Variants in DCTN3 observed in about 807,000 individuals in gnomAD.
DCTN3 encodes dynactin subunit 3, also known as dynactin 3 (p22).
A neutral mutation model predicts 28.4 loss-of-function variants in DCTN3; 25 were observed. That is an observed-to-expected ratio of 0.88 (90% CI 0.64 to 1.23). The LOEUF is 1.23. DCTN3 is among the 50% of genes most tolerant of loss of function. The pLI, the probability that DCTN3 is intolerant of heterozygous loss-of-function variation, is 0.00. For synonymous variants in DCTN3, 81 were observed against 91.4 expected, an observed-to-expected ratio of 0.89 and a Z score of 0.65; for missense variants, 229 against 232.0, an observed-to-expected ratio of 0.99 and a Z score of 0.08.
Position 34,614,153 on chromosome 9 carries a change from C to G in DCTN3, c.412-52G>C, listed in dbSNP as rs773362386. ...AGGAACTGGGCAAAGCCCACATCTT[C>G]CACTAAACTTCCTGCCTCATCACGG... On this transcript the variant is annotated intron_variant, in intron 5 of 6. Coordinates refer to ENST00000259632, the MANE Select transcript of DCTN3 (RefSeq NM_007234.5). 4.3e-6 allele frequency: 7 copies of G among 1,613,952 alleles called. No homozygotes were observed. In the Admixed American group the frequency reaches 1.2e-4, roughly 27 times the overall value.
intron 5 of DCTN3, 116 bp downstream of exon 5, chr9:34,614,594 A>G (rs1820378968): frequency 2.4e-6 from 3 of 1,226,104 alleles, no homozygotes; most frequent in Middle Eastern, 1.9e-4. Flanking sequence ...ATAAACCCCA[A>G]AGTTTCTGCT....
chr9:34,614,275 G>A lies in DCTN3; in HGVS notation c.412-174C>T, dbSNP rs568861363. On this transcript the variant is annotated intron_variant, in intron 5 of 6. Transcript: ENST00000259632. Reference sequence around the variant, plus strand: ...AGCACTTTCAGGCTCCAGGATGGGTGCCCTAACAGCAGTCCAAAGACGGAT... The same window carrying A: ...AGCACTTTCAGGCTCCAGGATGGGTACCCTAACAGCAGTCCAAAGACGGAT... The A allele has an allele frequency of 4.2e-4, 612 of 1,469,760 alleles. 1 individual carries two copies. The highest frequency in any genetic ancestry group is 5.5e-4 in the Non-Finnish European group (599 of 1,091,008). 91.0% of individuals were successfully genotyped at this position (1,469,760 alleles called of 1,614,324 possible).
chr9:34,614,143 C>G, intron 5 of DCTN3, 42 bp from the exon 6 acceptor site: 4 of 1,613,996 alleles, frequency 2.5e-6, no homozygotes, highest in Non-Finnish European at 3.4e-6. Flanking sequence ...CTGGGCAAAG[C>G]CCACATCTTC....
At chr9:34,614,923 G>A in intron 4 of DCTN3, 155 bp from the exon 5 acceptor site, 11 of 837,198 alleles carry the variant, frequency 1.3e-5, no homozygotes, top group Non-Finnish European at 2.1e-5. Flanking sequence ...GTGGCAGTGG[G>A]GCTCCCTGCC....
rs377763085 is a variant in DCTN3, at chr9:34,617,995, A to G, written c.182-24T>C. 6 of 1,609,370 alleles carry G rather than the reference A, an allele frequency of 3.7e-6. No individual in the cohort carries two copies. The African/African-American group carries it at 8.0e-5, about 21-fold the overall frequency. On this transcript the variant is annotated intron_variant, in intron 2 of 6. Transcript: ENST00000259632. Reference sequence around the variant, plus strand: ...AACTAGAAAAGTAGCAAGATGGAAAATGGAATAGGGTTGGGCAGTAGAGCT... The same window carrying G: ...AACTAGAAAAGTAGCAAGATGGAAAGTGGAATAGGGTTGGGCAGTAGAGCT...
At chr9:34,615,843 G>A (rs1273736038) in intron 4 of DCTN3, 187 bp downstream of exon 4, 1 of 450,744 alleles carries the variant, frequency 2.2e-6, no homozygotes, top group Non-Finnish European at 4.0e-6. Context: ...AGCGGTTGCA[G>A]TGAGTCAAGA....
intron 6 of DCTN3, 24 bp downstream of exon 6, chr9:34,614,018 G>T (rs1340626904): frequency 5.0e-6 from 8 of 1,605,164 alleles, no homozygotes; most frequent in South Asian, 3.3e-5. Context: ...ACCCATTAGG[G>T]TCCTAGTTGA....
In DCTN3 at chr9:34,613,811, C is replaced by T. The variant is rs771613938; in HGVS notation, c.532G>A (p.Ala178Thr). The T allele has an allele frequency of 2.3e-5, 37 of 1,614,044 alleles. No individual in the cohort carries two copies. The highest frequency in any genetic ancestry group is 6.7e-5 in the Admixed American group (4 of 60,020). ...TCCTCTGCTGGCTTCACTTGCGTGG[C>T]GGCCTCTAGCTGGCAAAGTAGCTCA... ...WDELLCQLEA[A>T]TQVKPAEE Residue 178 changes from alanine (A) to threonine (T), a missense_variant, in exon 7 of 7, where the codon GCC (alanine) becomes ACC (threonine). Coordinates refer to ENST00000259632, the MANE Select transcript of DCTN3 (RefSeq NM_007234.5).
intron 3 of DCTN3, chr9:34,617,575 G>C: frequency 8.5e-7 from 1 of 1,182,100 alleles, no homozygotes; most frequent in Non-Finnish European, 1.1e-6. Flanking sequence ...TTTCCTAGAA[G>C]CTCCTCTGTC....
intron 1 of DCTN3, 95 bp from the exon 2 acceptor site, chr9:34,618,855 G>T: frequency 1.0e-6 from 1 of 960,624 alleles, no homozygotes. Context: ...TCTCAAACCT[G>T]AATCCCAGTA....
Position 34,616,592 on chromosome 9 carries a change from A to G in DCTN3, c.269-479T>C, listed in dbSNP as rs192422971. ...AGCTGGGACAGTAATGGAAGAGTCC[A>G]GTGAGGAGAGCAGGATCTGGGCTAG... is the stretch of plus-strand genomic sequence containing the variant. On this transcript the variant is annotated intron_variant, in intron 3 of 6. Transcript: ENST00000259632. This position sits in a 1 kb window ranked among gnomAD's most constrained non-coding sequence, Gnocchi z 4.7. The G allele has an allele frequency of 5.1e-5, 8 of 156,672 alleles. No homozygotes were observed. Among genetic ancestry groups the G allele is most frequent in the African/African-American group, 7.2e-5 (3 of 41,652 alleles). The allele number at this position is 156,672 out of a possible 1,614,324, so 9.7% of individuals were successfully genotyped here. A position where few individuals can be genotyped will look rare whatever the true frequency, so the allele number is the denominator to read the frequency against.
Position 34,613,888 on chromosome 9 carries a change from G to A in DCTN3, c.472-17C>T. 6.2e-7 allele frequency: 1 copy of A among 1,614,104 alleles called. No individual in the cohort carries two copies. Among genetic ancestry groups the A allele is most frequent in the Non-Finnish European group, 8.5e-7 (1 of 1,180,034 alleles). On this transcript the variant is annotated splice_polypyrimidine_tract_variant and intron_variant, in intron 6 of 6. Coordinates refer to ENST00000259632, the MANE Select transcript of DCTN3 (RefSeq NM_007234.5). Reference sequence around the variant, plus strand: ...AAGCATTGTCTGGTTGTAGGTCAAGGTGAGAATAGGAATCTGAGTGAGGAA... The same window carrying A: ...AAGCATTGTCTGGTTGTAGGTCAAGATGAGAATAGGAATCTGAGTGAGGAA...
At chr9:34,618,286 C>G (rs1184272631) in intron 2 of DCTN3, among the ~76,000 whole-genome samples, 2 of 152,106 alleles carry the variant, frequency 1.3e-5, no homozygotes, top group East Asian at 3.9e-4. Flanking sequence ...TAGATGTCAC[C>G]GAGACAAGCC....
rs992446586 is a variant in DCTN3, at chr9:34,618,037, G to A, written c.182-66C>T. 133 of 1,514,988 alleles carry A rather than the reference G, an allele frequency of 8.8e-5. No individual in the cohort carries two copies. In the African/African-American group the frequency reaches 1.6e-3, roughly 18 times the overall value. The allele number at this position is 1,514,988 out of a possible 1,614,324, so 93.8% of individuals were successfully genotyped here. A position where few individuals can be genotyped will look rare whatever the true frequency, so the allele number is the denominator to read the frequency against. On this transcript the variant is annotated intron_variant, in intron 2 of 6. Coordinates refer to ENST00000259632, the MANE Select transcript of DCTN3 (RefSeq NM_007234.5). ...AGTAGAGCTCTGCCTTATGAAGGAT[G>A]TTTGACAAGTGGTCAGCCTTGAGGA...
Position 34,616,200 on chromosome 9 carries a change from G to T in DCTN3, c.269-87C>A. On this transcript the variant is annotated intron_variant, in intron 3 of 6. Coordinates refer to ENST00000259632, the MANE Select transcript of DCTN3 (RefSeq NM_007234.5). This position sits in a 1 kb window ranked among gnomAD's most constrained non-coding sequence, Gnocchi z 4.7. The stretch of plus-strand genomic sequence containing the variant: ...ATGTAAGGGCCTGAGGACCTGGCAA[G>T]GGAGATGGCTAGGTCCTAGAGCTTT... 1 of 965,424 alleles carries T rather than the reference G, an allele frequency of 1.0e-6. No individual in the cohort carries two copies. The highest frequency in any genetic ancestry group is 1.4e-5 in the South Asian group (1 of 72,370). The allele number at this position is 965,424 out of a possible 1,614,324, so 59.8% of individuals were successfully genotyped here.
At chr9:34,615,991 C>A in intron 4 of DCTN3, 39 bp downstream of exon 4, 5 of 1,577,756 alleles carry the variant, frequency 3.2e-6, no homozygotes, top group Non-Finnish European at 4.4e-6. Context: ...CACCTACCTC[C>A]CCAACCAGAG....
chr9:34,614,861 T>C, intron 4 of DCTN3, 93 bp from the exon 5 acceptor site: 1 of 1,498,784 alleles, frequency 6.7e-7, no homozygotes, highest in South Asian at 1.2e-5. Context: ...ATTAGAGTAT[T>C]GAGTGGAGAA....
At position 34,616,345 on chromosome 9, in the gene DCTN3, A is replaced by C; in HGVS notation, c.269-232T>G. The C allele has an allele frequency of 5.1e-6, 2 of 393,650 alleles. No individual in the cohort carries two copies. Among genetic ancestry groups the C allele is most frequent in the Non-Finnish European group, 9.3e-6 (2 of 215,406 alleles). 24.4% of individuals were successfully genotyped at this position (393,650 alleles called of 1,614,324 possible). On this transcript the variant is annotated intron_variant, in intron 3 of 6. Transcript: ENST00000259632. This position sits in a 1 kb window ranked among gnomAD's most constrained non-coding sequence, Gnocchi z 4.7. ...CTAATGAGCCTCTCAATTTCTCCAA[A>C]TCCCACCTTTCTCCAAGGTTTAACT...
chr9:34,616,261 T>A lies in DCTN3; in HGVS notation c.269-148A>T, dbSNP rs1820423237. The stretch of plus-strand genomic sequence containing the variant: ...TCTGTCCACTGCCCCCTTCTCTAGG[T>A]GCACATTTCCATCCTGCCCCCAACT... On this transcript the variant is annotated intron_variant, in intron 3 of 6. Transcript: ENST00000259632. The surrounding 1 kb of genome is among the most constrained non-coding windows in gnomAD (Gnocchi z 4.7). The A allele has an allele frequency of 4.9e-6, 3 of 609,160 alleles. No individual in the cohort carries two copies. The highest frequency in any genetic ancestry group is 2.6e-5 in the Admixed American group (1 of 37,842). 37.7% of individuals were successfully genotyped at this position (609,160 alleles called of 1,614,324 possible).
Sources: allele counts gnomAD v4.1 joint callset (sites outside exome capture counted in the v4.1 genomes callset), GRCh38; gene constraint gnomAD v4.1.1; non-coding constraint Gnocchi (gnomAD v3.1); transcripts MANE v1.5; gene names NCBI Gene and HGNC (gene_info 2026-07-23, HGNC 2026-07-21).